Variants in MGAT4A observed in about 807,000 individuals in gnomAD.
The protein encoded by MGAT4A is N-acetylglucosaminyltransferase IVa.
MGAT4A carries 33 observed loss-of-function variants against 74.1 expected under a neutral mutation model. The observed-to-expected ratio is 0.45, with a 90% CI of 0.34 to 0.60. The LOEUF (loss-of-function observed/expected upper bound fraction) is 0.60, where lower values mean the gene tolerates loss of function less well. Among genes scored for constraint, MGAT4A ranks in the 20% least tolerant of loss-of-function variants. The probability of loss-of-function intolerance (pLI) is 0.02; values close to 1 mark genes in which losing one functional copy is unlikely to be tolerated. For missense variants in MGAT4A, 479 were observed against 628.3 expected, an observed-to-expected ratio of 0.76 and a Z score of 2.54; for synonymous variants, 198 against 210.4, an observed-to-expected ratio of 0.94 and a Z score of 0.51.
intron 13 of MGAT4A, among the ~76,000 whole-genome samples, chr2:98,635,722 G>A (rs1376339119): frequency 3.3e-5 from 5 of 152,114 alleles, no homozygotes; most frequent in Admixed American, 3.3e-4. Context: ...GCCAGGCACA[G>A]TGGCTCATGC....
intron 2 of MGAT4A, among the ~76,000 whole-genome samples, chr2:98,684,519 C>G (rs1702102507): frequency 6.6e-6 from 1 of 152,192 alleles, no homozygotes; most frequent in Non-Finnish European, 1.5e-5. Flanking sequence ...AGAGAAACCA[C>G]TTTGATTCTT....
intron 4 of MGAT4A, among the ~76,000 whole-genome samples, chr2:98,667,803 T>G (rs781479391): frequency 5.3e-5 from 8 of 152,028 alleles, no homozygotes; most frequent in Non-Finnish European, 7.4e-5. Context: ...CACTGGAACC[T>G]CCACCTCCCA....
intron 12 of MGAT4A, among the ~76,000 whole-genome samples, chr2:98,637,918 G>T (rs964474680): frequency 1.3e-5 from 2 of 152,158 alleles, no homozygotes; most frequent in Non-Finnish European, 2.9e-5. Context: ...AGTAGATATG[G>T]CTGTAAAAGG....
At chr2:98,693,686 A>G (rs1702224780) in intron 2 of MGAT4A, among the ~76,000 whole-genome samples, 1 of 151,908 alleles carries the variant, frequency 6.6e-6, no homozygotes, top group Non-Finnish European at 1.5e-5. Flanking sequence ...TCTCAAAAAA[A>G]AAAAAAAAAA....
chr2:98,678,249 A>AAAAAAAAAATAT lies in MGAT4A; in HGVS notation c.262+54_262+55insATATTTTTTTTT, dbSNP rs67023324. 8.4e-4 allele frequency: 221 copies of AAAAAAAAAATAT among 263,594 alleles called. 2 individuals are homozygous for AAAAAAAAAATAT. Among genetic ancestry groups the AAAAAAAAAATAT allele is most frequent in the Non-Finnish European group, 9.4e-4 (171 of 182,392 alleles). 16.3% of individuals were successfully genotyped at this position (263,594 alleles called of 1,614,324 possible). On this transcript the variant is annotated intron_variant, in intron 3 of 15. Coordinates refer to ENST00000393487, the MANE Select transcript of MGAT4A (RefSeq NM_012214.3). ...TGTCTCAAAGAAAAAAAAAAAAAAA[A>AAAAAAAAAATAT]ATATATATATATATATATAAAATCT...
At chr2:98,695,093 G>A (rs948363869) in intron 2 of MGAT4A, 1 of 133,084 alleles carries the variant, frequency 7.5e-6, no homozygotes, top group African/African-American at 2.9e-5. Flanking sequence ...CTGGAGTGCT[G>A]TAGTGCAATC....
chr2:98,713,209 A>AAG (rs1559175256), intron 2 of MGAT4A, among the ~76,000 whole-genome samples: 1 of 128,134 alleles, frequency 7.8e-6, no homozygotes, highest in Non-Finnish European at 1.6e-5. Context: ...AAAAAAAAAA[A>AAG]GCCGTTTATC....
chr2:98,644,040 T>C lies in MGAT4A; in HGVS notation c.903A>G (p.Gln301=), dbSNP rs777199110. The C allele has an allele frequency of 6.9e-6, 11 of 1,583,892 alleles. No individual in the cohort carries two copies. Among genetic ancestry groups the C allele is most frequent in the Non-Finnish European group, 9.5e-6 (11 of 1,161,084 alleles). ...SQLGFIGKMF[Q]APDLTLIVEF... ...CTACAATCAGAGTAAGATCCGGCGC[T>C]TGAAACATTTTACCTGAAAAGATAT... The change falls in exon 10 of 16, where the codon CAA becomes CAG. Residue 301 remains glutamine (Q), a synonymous_variant. Coordinates refer to ENST00000393487, the MANE Select transcript of MGAT4A (RefSeq NM_012214.3).
chr2:98,664,200 CAAAAAAAAAAAAAAAAA>C (rs57981145), intron 4 of MGAT4A, among the ~76,000 whole-genome samples: 6 of 51,444 alleles, frequency 1.2e-4, no homozygotes, highest in Admixed American at 3.0e-4. Flanking sequence ...GATTCCATCT[CAAAAAAAAAAAAAAAAA>C]AAAAAAAAAA....
At chr2:98,715,221 G>A (rs1441819014) in intron 2 of MGAT4A, among the ~76,000 whole-genome samples, 1 of 151,244 alleles carries the variant, frequency 6.6e-6, no homozygotes, top group Non-Finnish European at 1.5e-5. Context: ...AGGTGGTGGA[G>A]GCACGAGAAT....
At chr2:98,667,262 A>AC (rs1271436243) in intron 4 of MGAT4A, among the ~76,000 whole-genome samples, 1 of 152,174 alleles carries the variant, frequency 6.6e-6, no homozygotes, top group Non-Finnish European at 1.5e-5. Context: ...ATGAAAATAG[A>AC]CTAATACAGT....
At chr2:98,706,728 TAC>T (rs1702442450) in intron 2 of MGAT4A, among the ~76,000 whole-genome samples, 2 of 151,846 alleles carry the variant, frequency 1.3e-5, no homozygotes, top group Non-Finnish European at 2.9e-5. Context: ...TGTACATATA[TAC>T]ATACATAAAA....
chr2:98,720,765 A>C (rs1202367438), intron 2 of MGAT4A, among the ~76,000 whole-genome samples: 1 of 152,218 alleles, frequency 6.6e-6, no homozygotes, highest in Non-Finnish European at 1.5e-5. Context: ...CTCAAGAGGG[A>C]GAAAAAAATG....
At chr2:98,693,655 C>A (rs1393825632) in intron 2 of MGAT4A, among the ~76,000 whole-genome samples, 8 of 145,848 alleles carry the variant, frequency 5.5e-5, no homozygotes, top group Non-Finnish European at 1.0e-4. Flanking sequence ...CTGTAGTGAG[C>A]TGTGACAGAG....
At position 98,620,989 on chromosome 2, in the gene MGAT4A, A is replaced by AT. The variant is rs1282394567; in HGVS notation, c.*4576dup. On this transcript the variant is annotated 3_prime_UTR_variant, in exon 16 of 16. Coordinates refer to ENST00000393487, the MANE Select transcript of MGAT4A (RefSeq NM_012214.3). Reference sequence around the variant, plus strand: ...AACATCCCCAACAAGGTCCAGGTACATGACTTGCTACTAAAGACTTTATTC... The same window carrying AT: ...AACATCCCCAACAAGGTCCAGGTACATTGACTTGCTACTAAAGACTTTATTC... The AT allele has an allele frequency of 6.5e-6, 1 of 153,514 alleles. No homozygotes were observed. The highest frequency in any genetic ancestry group is 1.5e-5 in the Non-Finnish European group (1 of 68,934). The allele number at this position is 153,514 out of a possible 1,614,324, so 9.5% of individuals were successfully genotyped here.
chr2:98,632,887 G>C (rs1701262361), intron 14 of MGAT4A, among the ~76,000 whole-genome samples: 1 of 152,196 alleles, frequency 6.6e-6, no homozygotes, highest in African/African-American at 2.4e-5. Context: ...AGCCTACTAA[G>C]TAGCTGGAAC....
intron 12 of MGAT4A, among the ~76,000 whole-genome samples, chr2:98,638,119 T>C (rs775369478): frequency 5.9e-5 from 9 of 152,196 alleles, no homozygotes; most frequent in Non-Finnish European, 1.0e-4. Context: ...AGAAATTGAT[T>C]GTTGAGGGAA....
chr2:98,699,975 G>A (rs768646278), intron 2 of MGAT4A, among the ~76,000 whole-genome samples: 8 of 152,118 alleles, frequency 5.3e-5, no homozygotes, highest in Non-Finnish European at 1.0e-4. Context: ...TACGTGACCC[G>A]TCCTTGCCTT....
intron 4 of MGAT4A, among the ~76,000 whole-genome samples, chr2:98,667,085 C>T (rs566812793): frequency 6.9e-6 from 1 of 145,746 alleles, no homozygotes; most frequent in South Asian, 2.2e-4. Flanking sequence ...AGGAGTTCCC[C>T]TGCACAAGCT....
Sources: gnomAD v4.1 joint callset for allele counts (sites outside exome capture counted in the v4.1 genomes callset) on GRCh38, gnomAD v4.1.1 for gene constraint, MANE v1.5 for transcripts, NCBI Gene and HGNC (gene_info 2026-07-23, HGNC 2026-07-21) for gene names.